FHOD3: variants seen among roughly 807,000 people sequenced by gnomAD.
FHOD3 encodes formin homology 2 domain containing 3, also known as FH1/FH2 domain-containing protein 3.
FHOD3 carries 90 observed loss-of-function variants against 173.0 expected under a neutral mutation model. That is an observed-to-expected ratio of 0.52 (90% CI 0.44 to 0.62). The LOEUF (loss-of-function observed/expected upper bound fraction) is 0.62. FHOD3 is among the 20% of genes least tolerant of loss of function. FHOD3 has a pLI of 0.00. For missense variants in FHOD3, 1,945 were observed against 2,034.7 expected (o/e 0.96, Z 0.85); for synonymous variants, 828 against 823.0 (o/e 1.01, Z -0.10).
chr18:36,382,526 C>T (rs1313762065), intron 3 of FHOD3, among the ~76,000 whole-genome samples: 1 of 152,158 alleles, frequency 6.6e-6, no homozygotes, highest in Non-Finnish European at 1.5e-5. Flanking sequence ...ATAGCATTTG[C>T]CTAAGTCTAC....
At chr18:36,655,216 C>A (rs536122713) in intron 13 of FHOD3, among the ~76,000 whole-genome samples, 23 of 152,166 alleles carry the variant, frequency 1.5e-4, no homozygotes, top group Admixed American at 3.3e-4. Flanking sequence ...ATGACTCTTA[C>A]ACCTTCCAAG....
At chr18:36,316,425 G>C (rs983546434) in intron 1 of FHOD3, among the ~76,000 whole-genome samples, 1 of 152,186 alleles carries the variant, frequency 6.6e-6, no homozygotes, top group Admixed American at 6.5e-5. Context: ...AAAGGGCATT[G>C]CCCAAATTCT....
At chr18:36,544,449 T>G (rs1363338267) in intron 5 of FHOD3, 2 of 152,316 alleles carry the variant, frequency 1.3e-5, no homozygotes, top group East Asian at 1.9e-4. Flanking sequence ...CCAGGCATTC[T>G]CCGGGCCTAC....
chr18:36,306,825 A>T (rs1399510403), intron 1 of FHOD3, among the ~76,000 whole-genome samples: 5 of 152,206 alleles, frequency 3.3e-5, no homozygotes, highest in Non-Finnish European at 7.3e-5. Context: ...GGGAGGAAGA[A>T]TAGTCTGCTC....
At chr18:36,383,241 T>C (rs9963077) in intron 3 of FHOD3, among the ~76,000 whole-genome samples, 66,308 of 151,932 alleles carry the variant, frequency 0.44, 14,907 homozygotes, top group East Asian at 0.68. Context: ...GAGGGAATTT[T>C]GGTCTGAGGA....
At chr18:36,687,040 A>G in intron 15 of FHOD3, 88 bp from the exon 16 acceptor site, 1 of 971,350 alleles carries the variant, frequency 1.0e-6, no homozygotes. Flanking sequence ...CTTTCATGAT[A>G]TACTGTTTAT....
At chr18:36,676,839 C>G (rs1176669055) in intron 14 of FHOD3, among the ~76,000 whole-genome samples, 1 of 152,128 alleles carries the variant, frequency 6.6e-6, no homozygotes, top group Non-Finnish European at 1.5e-5. Flanking sequence ...TGCCCATTTT[C>G]CTCTGGGTAG....
At chr18:36,701,270 T>A (rs1312298320) in intron 17 of FHOD3, among the ~76,000 whole-genome samples, 3 of 152,210 alleles carry the variant, frequency 2.0e-5, no homozygotes, top group African/African-American at 7.2e-5. Flanking sequence ...CCATAAGGAC[T>A]GAATAAATGA....
intron 10 of FHOD3, among the ~76,000 whole-genome samples, chr18:36,639,535 T>C (rs376261314): frequency 8.7e-4 from 132 of 151,470 alleles, no homozygotes; most frequent in Admixed American, 1.8e-3. Context: ...TGGTGGCGGG[T>C]GCCTGTAGTC....
chr18:36,548,694 T>A (rs919617285), intron 5 of FHOD3, among the ~76,000 whole-genome samples: 35 of 152,220 alleles, frequency 2.3e-4, no homozygotes, highest in Admixed American at 1.3e-4. Flanking sequence ...ACAGTACATG[T>A]CCTTTTATTG....
chr18:36,530,032 G>C (rs747638716), intron 5 of FHOD3, among the ~76,000 whole-genome samples: 2 of 151,786 alleles, frequency 1.3e-5, no homozygotes, highest in African/African-American at 2.4e-5. Flanking sequence ...ATGGGGGGTG[G>C]GAACACATGA....
intron 5 of FHOD3, among the ~76,000 whole-genome samples, chr18:36,575,461 A>G (rs1015513301): frequency 1.3e-5 from 2 of 152,254 alleles, no homozygotes; most frequent in African/African-American, 4.8e-5. Flanking sequence ...ATAAAAAAAG[A>G]ATGTAAGAAA....
chr18:36,744,965 G>A (rs1334484499), intron 23 of FHOD3, among the ~76,000 whole-genome samples: 1 of 152,212 alleles, frequency 6.6e-6, no homozygotes, highest in East Asian at 1.9e-4. Context: ...AACCAGGCTA[G>A]TGTGAAGGAA....
At chr18:36,752,176 A>G (rs1600560091) in intron 24 of FHOD3, among the ~76,000 whole-genome samples, 1 of 152,192 alleles carries the variant, frequency 6.6e-6, no homozygotes, top group Non-Finnish European at 1.5e-5. Context: ...CTATGATTCA[A>G]TTGTTTCCAC....
At chr18:36,542,826 T>C (rs980394342) in intron 5 of FHOD3, among the ~76,000 whole-genome samples, 15 of 152,108 alleles carry the variant, frequency 9.9e-5, no homozygotes, top group African/African-American at 3.6e-4. Flanking sequence ...ACCTAATATA[T>C]TTGGAAGCAC....
intron 3 of FHOD3, among the ~76,000 whole-genome samples, chr18:36,404,152 C>A (rs1341411458): frequency 1.3e-5 from 2 of 152,238 alleles, no homozygotes; most frequent in Non-Finnish European, 2.9e-5. Flanking sequence ...TCTCTGACCT[C>A]CTGGGCTTTC....
chr18:36,519,257 G>A, intron 5 of FHOD3, among the ~76,000 whole-genome samples: 1 of 152,180 alleles, frequency 6.6e-6, no homozygotes, highest in Non-Finnish European at 1.5e-5. Context: ...CAGGCCACAG[G>A]ATACTGTGTC....
intron 4 of FHOD3, among the ~76,000 whole-genome samples, chr18:36,508,326 A>G (rs917369718): frequency 3.3e-5 from 5 of 152,188 alleles, no homozygotes; most frequent in Admixed American, 6.5e-5. Context: ...AAAAAGCACC[A>G]CTAGCAACGA....
intron 25 of FHOD3, among the ~76,000 whole-genome samples, chr18:36,756,335 A>G (rs1410881103): frequency 1.3e-5 from 2 of 151,712 alleles, no homozygotes; most frequent in South Asian, 4.2e-4. Flanking sequence ...ATTTTTTTTC[A>G]TGGTTTGGAT....
Sources: allele counts gnomAD v4.1 joint callset (sites outside exome capture counted in the v4.1 genomes callset), GRCh38; gene constraint gnomAD v4.1.1; transcripts MANE v1.5; gene names NCBI Gene and HGNC (gene_info 2026-07-23, HGNC 2026-07-21).